Variants in TIAM2 observed in about 807,000 individuals in gnomAD.
TIAM2 encodes TIAM Rac1 associated GEF 2.
A neutral mutation model predicts 152.9 loss-of-function variants in TIAM2; 80 were observed. The observed-to-expected ratio is 0.52, with a 90% confidence interval of 0.44 to 0.63. TIAM2 has a LOEUF of 0.63. TIAM2 is among the 30% of genes least tolerant of loss of function. TIAM2 has a pLI of 0.00. For missense variants in TIAM2, 1,965 were observed against 2,120.1 expected (o/e 0.93, Z 1.44); for synonymous variants, 804 against 838.0 (o/e 0.96, Z 0.70).
intron 1 of TIAM2, among the ~76,000 whole-genome samples, chr6:155,018,001 G>C (rs1034514195): frequency 6.6e-6 from 1 of 152,172 alleles, no homozygotes; most frequent in Non-Finnish European, 1.5e-5. Flanking sequence ...CATATGAAAA[G>C]CCAGATGTAA....
intron 15 of TIAM2, among the ~76,000 whole-genome samples, chr6:155,231,431 T>C (rs1452304747): frequency 6.6e-6 from 1 of 152,218 alleles, no homozygotes; most frequent in Non-Finnish European, 1.5e-5. Context: ...TTCCCTGGAG[T>C]ATTTAGTGTA....
chr6:155,151,366 C>T (rs1779953741), intron 7 of TIAM2, among the ~76,000 whole-genome samples: 1 of 152,224 alleles, frequency 6.6e-6, no homozygotes, highest in Non-Finnish European at 1.5e-5. Flanking sequence ...GGCATTCTGG[C>T]AGACATCTGC....
At chr6:155,128,922 A>G (rs1779366373) in intron 3 of TIAM2, among the ~76,000 whole-genome samples, 1 of 152,270 alleles carries the variant, frequency 6.6e-6, no homozygotes, top group African/African-American at 2.4e-5. Flanking sequence ...CCTGAAGCAG[A>G]TCTTTCTCAT....
chr6:155,021,929 C>G (rs896367299), intron 1 of TIAM2, among the ~76,000 whole-genome samples: 1 of 152,184 alleles, frequency 6.6e-6, no homozygotes, highest in African/African-American at 2.4e-5. Context: ...TCAGATAAAG[C>G]CCCTGTCCTG....
At chr6:155,179,983 T>C (rs1488403548) in intron 12 of TIAM2, among the ~76,000 whole-genome samples, 1 of 152,150 alleles carries the variant, frequency 6.6e-6, no homozygotes, top group Non-Finnish European at 1.5e-5. Flanking sequence ...TCCCTGAGTT[T>C]AACAGTTGAG....
intron 5 of TIAM2, among the ~76,000 whole-genome samples, chr6:155,138,250 C>T (rs912146351): frequency 6.6e-6 from 1 of 152,150 alleles, no homozygotes; most frequent in African/African-American, 2.4e-5. Context: ...AAGTCAGTAA[C>T]CAAAGGTAGT....
chr6:155,004,009 T>C (rs914178958), intron 1 of TIAM2, among the ~76,000 whole-genome samples: 1 of 152,218 alleles, frequency 6.6e-6, no homozygotes, highest in Non-Finnish European at 1.5e-5. Context: ...GTGTGAGATG[T>C]TTTGCACTTA....
rs569534584 is a variant in TIAM2 at position 155,110,142 on chromosome 6, G to A, written c.-117-17348G>A. Among the ~76,000 whole-genome samples the A allele has an allele frequency of 6.9e-4, 104 of 151,440 alleles. 1 individual carries two copies. The highest frequency in any genetic ancestry group is 1.3e-3 in the Non-Finnish European group (90 of 67,840). On this transcript the variant is annotated intron_variant, in intron 2 of 26. Coordinates refer to ENST00000682666, the MANE Select transcript of TIAM2 (RefSeq NM_012454.4). ...TTTTTTTTGTATTTTTAGTAGAGAC[G>A]GGGTTTCACCATGTTGGCCAGGCTG...
intron 1 of TIAM2, among the ~76,000 whole-genome samples, chr6:155,017,343 C>T (rs984228201): frequency 6.6e-6 from 1 of 152,008 alleles, no homozygotes; most frequent in East Asian, 1.9e-4. Context: ...CACATTGTCT[C>T]AGAAGGACCC....
At chr6:155,037,461 G>C (rs1583163052) in intron 1 of TIAM2, among the ~76,000 whole-genome samples, 2 of 152,182 alleles carry the variant, frequency 1.3e-5, no homozygotes, top group Middle Eastern at 3.4e-3. Flanking sequence ...GGAACTAAAT[G>C]CACTTTTCCC....
Position 155,214,671 on chromosome 6 carries a change from C to T in TIAM2, c.3168+3364C>T, listed in dbSNP as rs1781809444. ...GCATTTTTAGTCCTTCTACTTTGTT[C>T]TATCTCTAGTGGGTTATTTAATTTT... On this transcript the variant is annotated intron_variant, in intron 15 of 26. Transcript: ENST00000682666. The surrounding 1 kb of genome is among the most constrained non-coding windows in gnomAD (Gnocchi z 5.4). Among the ~76,000 whole-genome samples, 1 of 152,166 alleles carries T rather than the reference C, an allele frequency of 6.6e-6. No individual in the cohort carries two copies. The highest frequency in any genetic ancestry group is 6.5e-5 in the Admixed American group (1 of 15,286).
At chr6:155,232,092 CAAAAACAAAAA>C (rs994414690) in intron 15 of TIAM2, among the ~76,000 whole-genome samples, 2 of 130,006 alleles carry the variant, frequency 1.5e-5, no homozygotes, top group Non-Finnish European at 3.2e-5. Flanking sequence ...AAAACAAAAA[CAAAAACAAAAA>C]AAAACAAAAA....
At chr6:155,111,322 C>G (rs1778843015) in intron 2 of TIAM2, among the ~76,000 whole-genome samples, 1 of 151,738 alleles carries the variant, frequency 6.6e-6, no homozygotes, top group African/African-American at 2.4e-5. Flanking sequence ...CACACACACA[C>G]ACACACACAC....
chr6:155,024,069 GA>G (rs1776551510), intron 1 of TIAM2, among the ~76,000 whole-genome samples: 1 of 152,168 alleles, frequency 6.6e-6, no homozygotes, highest in Non-Finnish European at 1.5e-5. Flanking sequence ...CACAGGCTTA[GA>G]GAGGGTGGGT....
intron 6 of TIAM2, among the ~76,000 whole-genome samples, chr6:155,147,629 G>A (rs1323605003): frequency 6.6e-6 from 1 of 152,204 alleles, no homozygotes; most frequent in Non-Finnish European, 1.5e-5. Flanking sequence ...GGGCTTACAG[G>A]CATGCGCCAC....
At chr6:154,999,271 G>A (rs1006054992) in intron 1 of TIAM2, among the ~76,000 whole-genome samples, 3 of 151,862 alleles carry the variant, frequency 2.0e-5, no homozygotes, top group Non-Finnish European at 1.5e-5. Flanking sequence ...GGAGTGCAGT[G>A]GCGATCTCAG....
intron 16 of TIAM2, among the ~76,000 whole-genome samples, chr6:155,241,063 C>A (rs1157162287): frequency 6.6e-6 from 1 of 152,220 alleles, no homozygotes; most frequent in Non-Finnish European, 1.5e-5. Context: ...TGGGAACAAT[C>A]TGTACATACG....
intron 15 of TIAM2, among the ~76,000 whole-genome samples, chr6:155,229,949 A>T (rs1347447660): frequency 2.6e-5 from 4 of 151,926 alleles, no homozygotes; most frequent in African/African-American, 4.8e-5. Flanking sequence ...AGCATGGGAG[A>T]AACCCACCCC....
chr6:155,181,734 A>C (rs1304000616), intron 12 of TIAM2, among the ~76,000 whole-genome samples: 1 of 152,214 alleles, frequency 6.6e-6, no homozygotes, highest in East Asian at 1.9e-4. Context: ...ACCTCTCTGA[A>C]GTTGACTGCT....
Sources: allele counts gnomAD v4.1 joint callset (sites outside exome capture counted in the v4.1 genomes callset), GRCh38; gene constraint gnomAD v4.1.1; non-coding constraint Gnocchi (gnomAD v3.1); transcripts MANE v1.5; gene names NCBI Gene and HGNC (gene_info 2026-07-23, HGNC 2026-07-21).